The following SUGCT variants were observed in gnomAD, a reference collection of about 807,000 sequenced individuals.
SUGCT encodes succinyl-CoA:glutarate CoA-transferase.
SUGCT carries 41 observed loss-of-function variants against 55.0 expected under a neutral mutation model. The observed-to-expected ratio is 0.74, with a 90% CI of 0.58 to 0.97. The LOEUF (loss-of-function observed/expected upper bound fraction) is 0.97, where lower values mean the gene tolerates loss of function less well. SUGCT is among the 50% of genes least tolerant of loss of function. The pLI, the probability that SUGCT is intolerant of heterozygous loss-of-function variation, is 0.00. For synonymous variants in SUGCT, 187 were observed against 200.4 expected (o/e 0.93, Z 0.56); for missense variants, 568 against 547.8 (o/e 1.04, Z -0.37).
intron 9 of SUGCT, among the ~76,000 whole-genome samples, chr7:40,334,465 C>G (rs1031230495): frequency 6.6e-6 from 1 of 152,174 alleles, no homozygotes. Flanking sequence ...GAGATGGTAT[C>G]TCATTGTGGT....
At chr7:40,761,938 A>G (rs1336103724) in intron 13 of SUGCT, among the ~76,000 whole-genome samples, 3 of 152,268 alleles carry the variant, frequency 2.0e-5, no homozygotes, top group Non-Finnish European at 2.9e-5. Flanking sequence ...CTGCTATGAC[A>G]GCGGAATACC....
At position 40,684,058 on chromosome 7, in the gene SUGCT, C is replaced by T. The variant is rs373153175; in HGVS notation, c.1090-65376C>T. 264 of 1,612,322 alleles carry T rather than the reference C, an allele frequency of 1.6e-4. No individual in the cohort carries two copies. The highest frequency in any genetic ancestry group is 2.0e-4 in the Non-Finnish European group (232 of 1,179,034). On this transcript the variant is annotated intron_variant, in intron 12 of 13. Coordinates refer to ENST00000335693, the MANE Select transcript of SUGCT (RefSeq NM_001193313.2). ...TTTTCTTTGCTGGTTGTCAATAGAA[C>T]GCTGTCTCTGGCTTCCAAAGCCTGC...
chr7:40,170,960 G>A (rs1169790814), intron 1 of SUGCT, among the ~76,000 whole-genome samples: 1 of 152,114 alleles, frequency 6.6e-6, no homozygotes, highest in Non-Finnish European at 1.5e-5. Context: ...TCAGGGGTGA[G>A]TTCTAGAGTT....
At chr7:40,780,173 C>T (rs1789662581) in intron 13 of SUGCT, among the ~76,000 whole-genome samples, 1 of 151,974 alleles carries the variant, frequency 6.6e-6, no homozygotes, top group African/African-American at 2.4e-5. Context: ...TTCTCTAAAG[C>T]CACTCTGGAT....
At chr7:41,023,686 C>T in the SUGCT span, among the ~76,000 whole-genome samples, 1 of 151,456 alleles carries the variant, frequency 6.6e-6, no homozygotes, top group African/African-American at 2.4e-5. Context: ...GCCCATGTCA[C>T]CCACTGCTGG....
At chr7:40,658,854 T>G (rs1801159596) in intron 12 of SUGCT, among the ~76,000 whole-genome samples, 1 of 152,224 alleles carries the variant, frequency 6.6e-6, no homozygotes, top group African/African-American at 2.4e-5. Flanking sequence ...TGCCTGGCTC[T>G]TCCTCTCCAT....
the SUGCT span, among the ~76,000 whole-genome samples, chr7:40,918,263 C>A: frequency 6.6e-6 from 1 of 151,944 alleles, no homozygotes; most frequent in South Asian, 2.1e-4. Flanking sequence ...GAGTTTGAGA[C>A]CAGCCTGACC....
intron 7 of SUGCT, among the ~76,000 whole-genome samples, chr7:40,272,662 TTA>T (rs980025862): frequency 8.0e-5 from 11 of 136,766 alleles, no homozygotes; most frequent in Non-Finnish European, 9.4e-5. Flanking sequence ...ATTATTATTA[TTA>T]TTTTTTTTTT....
chr7:40,590,848 G>A (rs1562884444), intron 12 of SUGCT, among the ~76,000 whole-genome samples: 4 of 152,246 alleles, frequency 2.6e-5, no homozygotes, highest in Middle Eastern at 3.4e-3. Flanking sequence ...ATTACACTGC[G>A]TCTGTTTACA....
At chr7:40,657,695 C>G (rs1801095149) in intron 12 of SUGCT, among the ~76,000 whole-genome samples, 1 of 152,138 alleles carries the variant, frequency 6.6e-6, no homozygotes, top group African/African-American at 2.4e-5. Context: ...CCACTAGGCC[C>G]AGCTAATTTT....
chr7:40,853,679 G>A (rs1793975678), intron 13 of SUGCT, among the ~76,000 whole-genome samples: 1 of 152,062 alleles, frequency 6.6e-6, no homozygotes, highest in Non-Finnish European at 1.5e-5. Flanking sequence ...ATAAGCTCTT[G>A]TACTGGTTCT....
chr7:40,373,637 T>C (rs976410453), intron 9 of SUGCT, among the ~76,000 whole-genome samples: 3 of 152,054 alleles, frequency 2.0e-5, no homozygotes, highest in African/African-American at 7.2e-5. Flanking sequence ...TGCATATTTT[T>C]GATTGTCCTT....
At chr7:40,485,140 T>C (rs1052914371) in intron 11 of SUGCT, among the ~76,000 whole-genome samples, 2 of 152,044 alleles carry the variant, frequency 1.3e-5, no homozygotes, top group Non-Finnish European at 2.9e-5. Flanking sequence ...TTAATCTTAA[T>C]TAGTTAAGAT....
At chr7:40,618,170 CTTATT>C (rs1401778253) in intron 12 of SUGCT, among the ~76,000 whole-genome samples, 1 of 152,144 alleles carries the variant, frequency 6.6e-6, no homozygotes, top group Non-Finnish European at 1.5e-5. Flanking sequence ...CCTCTCAATT[CTTATT>C]TTGTTAGAGT....
At chr7:41,000,398 A>G in the SUGCT span, among the ~76,000 whole-genome samples, 3 of 152,178 alleles carry the variant, frequency 2.0e-5, no homozygotes, top group African/African-American at 7.2e-5. Context: ...ACAAAGAGCC[A>G]GACATTAAAT....
At chr7:40,345,964 T>A (rs1305236507) in intron 9 of SUGCT, among the ~76,000 whole-genome samples, 1 of 151,908 alleles carries the variant, frequency 6.6e-6, no homozygotes, top group Admixed American at 6.6e-5. Context: ...TTTTTTTTTA[T>A]ATTAATTTTT....
chr7:40,896,107 CA>C, the SUGCT span, among the ~76,000 whole-genome samples: 1 of 151,662 alleles, frequency 6.6e-6, no homozygotes, highest in Non-Finnish European at 1.5e-5. Flanking sequence ...AAGATTCCAC[CA>C]AAAAATCTGA....
chr7:40,693,246 G>A (rs1446463512), intron 12 of SUGCT, among the ~76,000 whole-genome samples: 1 of 152,146 alleles, frequency 6.6e-6, no homozygotes, highest in East Asian at 1.9e-4. Context: ...CCACTTATGA[G>A]CTGTGTGAAC....
intron 12 of SUGCT, among the ~76,000 whole-genome samples, chr7:40,601,655 A>G (rs1162862574): frequency 3.3e-5 from 5 of 152,038 alleles, no homozygotes; most frequent in African/African-American, 1.2e-4. Context: ...CTTGTCCAAC[A>G]TGCGGCCTGC....
Sources: gnomAD v4.1 joint callset for allele counts (sites outside exome capture counted in the v4.1 genomes callset) on GRCh38, gnomAD v4.1.1 for gene constraint, MANE v1.5 for transcripts, NCBI Gene and HGNC (gene_info 2026-07-23, HGNC 2026-07-21) for gene names.